NCAPD2: variants seen among roughly 807,000 people sequenced by gnomAD.
NCAPD2 encodes the protein non-SMC condensin I complex subunit D2, also known as condensin complex subunit 1.
NCAPD2 carries 100 observed loss-of-function variants against 164.5 expected under a neutral mutation model. The ratio of observed to expected loss-of-function variants is 0.61; its 90% confidence interval spans 0.52 to 0.72. The LOEUF (loss-of-function observed/expected upper bound fraction) is 0.72. NCAPD2 is among the 30% of genes least tolerant of loss of function. The pLI is 0.00. For synonymous variants in NCAPD2, 585 were observed against 642.6 expected (o/e 0.91, Z 1.36); for missense variants, 1,560 against 1,749.2 (o/e 0.89, Z 1.93).
chr12:6,495,297 A>G (rs1484647161), intron 2 of NCAPD2, 72 bp downstream of exon 2: 3 of 1,560,912 alleles, frequency 1.9e-6, no homozygotes, highest in Non-Finnish European at 2.6e-6. Flanking sequence ...CTACATTGTC[A>G]TTTCTGTTCC....
Position 6,517,926 on chromosome 12 carries a change from G to C in NCAPD2, c.1556G>C (p.Arg519Pro). 6.2e-7 allele frequency: 1 copy of C among 1,613,986 alleles called. No individual in the cohort carries two copies. The highest frequency in any genetic ancestry group is 2.2e-5 in the East Asian group (1 of 44,888). The change falls in exon 13 of 32, where the codon CGC (arginine) becomes CCC (proline). Residue 519 changes from arginine to proline, a missense_variant. Arg to Pro is a moderately radical substitution (Grantham distance 103). Coordinates refer to ENST00000315579, the MANE Select transcript of NCAPD2 (RefSeq NM_014865.4). The stretch of plus-strand genomic sequence containing the variant: ...GAGACAACTGAAGATGTGAAAGGAC[G>C]CATCTATCAACTGCTTGCCAAAGCT... ...NTETTEDVKGRIYQLLAKASY... is the reference protein window; with the variant it reads ...NTETTEDVKGPIYQLLAKASY...
intron 6 of NCAPD2, among the ~76,000 whole-genome samples, chr12:6,512,314 GACAGACAA>G (rs373955236): frequency 0.013 from 1,996 of 149,878 alleles, 44 homozygotes; most frequent in African/African-American, 0.047. Flanking sequence ...TAGATAGACA[GACAGACAA>G]ACAGACAGAC....
rs764238838 is a variant in NCAPD2, at chr12:6,514,866, C to T, written c.933C>T (p.Val311=). Residue 311 remains valine, a synonymous_variant, in exon 9 of 32, where the codon GTC becomes GTT. Transcript: ENST00000315579. The part of the protein sequence containing the change: ...AAFLTELAER[V]PAILMSSMCI... ...TCCTGACAGAACTAGCAGAACGTGT[C>T]CCAGCTATCCTGATGTCCAGCATGT... is the stretch of plus-strand genomic sequence containing the variant. The T allele has an allele frequency of 5.6e-6, 9 of 1,614,200 alleles. No individual in the cohort carries two copies. In the South Asian group the frequency reaches 9.9e-5, roughly 18 times the overall value.
rs1004345305 is a variant in NCAPD2 at position 6,518,519 on chromosome 12, T to G, written c.1589+560T>G. Among the ~76,000 whole-genome samples the G allele has an allele frequency of 1.9e-4, 22 of 116,100 alleles. No individual in the cohort carries two copies. In the East Asian group the frequency reaches 4.5e-3, roughly 24 times the overall value. 76.2% of individuals were successfully genotyped at this position (116,100 alleles called of 152,430 possible). On this transcript the variant is annotated intron_variant, in intron 13 of 31. Transcript: ENST00000315579. ...CCGTCAACAAGTTTTTTTTTTTTTT[T>G]TTTTTTTTTTTTTTTGAGATGGAGT...
rs550187743 is a variant in NCAPD2, at chr12:6,503,676, C to T, written c.128-6041C>T. On this transcript the variant is annotated intron_variant, in intron 2 of 31. Transcript: ENST00000315579. ...ATCCCAGCTACTCAGGAGGCTGAGG[C>T]GGGAGAATCACTTGAACCTGGGAGC... is the stretch of plus-strand genomic sequence containing the variant. Among the ~76,000 whole-genome samples, 25 of 152,080 alleles carry T rather than the reference C, an allele frequency of 1.6e-4. No homozygotes were observed. The East Asian group carries it at 3.1e-3, about 19-fold the overall frequency.
intron 2 of NCAPD2, among the ~76,000 whole-genome samples, chr12:6,504,998 G>A (rs1170381939): frequency 6.6e-6 from 1 of 152,120 alleles, no homozygotes; most frequent in African/African-American, 2.4e-5. Context: ...GTTATGTAAG[G>A]TTTATGATAC....
At chr12:6,525,562 C>T in intron 17 of NCAPD2, 21 bp from the exon 18 acceptor site, 1 of 1,586,400 alleles carries the variant, frequency 6.3e-7, no homozygotes, top group Non-Finnish European at 8.6e-7. Flanking sequence ...TTGGCTTGAG[C>T]CCTTTTTCTT....
At chr12:6,520,415 C>G (rs1424443195) in intron 13 of NCAPD2, among the ~76,000 whole-genome samples, 1 of 145,844 alleles carries the variant, frequency 6.9e-6, no homozygotes, top group Non-Finnish European at 1.5e-5. Flanking sequence ...CAGGCACACA[C>G]CATCACACCC....
At chr12:6,529,695 G>A (rs1946353436) in intron 28 of NCAPD2, 80 bp from the exon 29 acceptor site, 3 of 1,601,898 alleles carry the variant, frequency 1.9e-6, no homozygotes, top group Non-Finnish European at 2.6e-6. Flanking sequence ...GCATCCCTGG[G>A]ACTGGGGAGG....
chr12:6,519,035 G>A (rs970030692), intron 13 of NCAPD2, among the ~76,000 whole-genome samples: 7 of 151,564 alleles, frequency 4.6e-5, no homozygotes, highest in African/African-American at 1.7e-4. Context: ...ACAGGCGCCC[G>A]CCACCACGCC....
At chr12:6,518,504 G>GTTTTTTGTTTTTTTTT (rs1946226490) in intron 13 of NCAPD2, among the ~76,000 whole-genome samples, 4 of 44,774 alleles carry the variant, frequency 8.9e-5, no homozygotes, top group African/African-American at 4.1e-4. Context: ...CCGTCAACAA[G>GTTTTTTGTTTTTTTTT]TTTTTTTTTT....
rs1450283019 is a variant in NCAPD2, at chr12:6,503,723, A to AGGTTG, written c.128-5994_128-5993insGGTTG. 9.5e-4 allele frequency among the ~76,000 whole-genome samples: 144 copies of AGGTTG among 151,234 alleles called. 1 individual carries two copies. Among genetic ancestry groups the AGGTTG allele is most frequent in the African/African-American group, 3.3e-3 (136 of 41,152 alleles). ...GAGCCGGAGGTTGTAGTGAGCCGAGATCGTGCCACTGCACTTCAGCCTGGG... is the reference window on the plus strand; with the variant it reads ...GAGCCGGAGGTTGTAGTGAGCCGAGAGGTTGTCGTGCCACTGCACTTCAGCCTGGG... On this transcript the variant is annotated intron_variant, in intron 2 of 31. Coordinates refer to ENST00000315579, the MANE Select transcript of NCAPD2 (RefSeq NM_014865.4).
chr12:6,522,295 G>A (rs537042381), intron 15 of NCAPD2, among the ~76,000 whole-genome samples: 2 of 152,188 alleles, frequency 1.3e-5, no homozygotes, highest in East Asian at 1.9e-4. Context: ...TTAAAAGGCA[G>A]GGGTTCTCGG....
rs1565547499 is a variant in NCAPD2, at chr12:6,528,359, T to C, written c.3299+31T>C. The stretch of plus-strand genomic sequence containing the variant: ...AGACCCCTCACAACGTGGTGGCAGT[T>C]CCCAGGAGCCCCGGAGTCTGTTGAG... On this transcript the variant is annotated intron_variant, in intron 25 of 31. Transcript: ENST00000315579. This position sits in a 1 kb window ranked among gnomAD's most constrained non-coding sequence, Gnocchi z 5.1. The C allele has an allele frequency of 5.6e-6, 9 of 1,612,280 alleles. No homozygotes were observed. The highest frequency in any genetic ancestry group is 7.6e-6 in the Non-Finnish European group (9 of 1,179,668).
Position 6,510,117 on chromosome 12 carries a change from GC to G in NCAPD2, c.247del (p.Gln83AsnfsTer3). The G allele has an allele frequency of 6.2e-7, 1 of 1,612,028 alleles. No individual in the cohort carries two copies. The highest frequency in any genetic ancestry group is 8.5e-7 in the Non-Finnish European group (1 of 1,178,100). ...IDPGLKEDTL[Q>X]FLIKVVSRHS... ...ATCCTGGCCTCAAAGAAGATACTCT[GC>G]AATTCCTGATAAAAGGTGTTTATGG... On this transcript the variant is annotated frameshift_variant, in exon 4 of 32. Coordinates refer to ENST00000315579, the MANE Select transcript of NCAPD2 (RefSeq NM_014865.4). LOFTEE classifies it high-confidence loss of function.
At chr12:6,510,574 T>C in intron 4 of NCAPD2, 55 bp from the exon 5 acceptor site, 1 of 1,586,546 alleles carries the variant, frequency 6.3e-7, no homozygotes, top group East Asian at 2.2e-5. Context: ...TGTTTTGAAG[T>C]TGGGGTATAT....
chr12:6,522,845 G>A lies in NCAPD2; in HGVS notation c.1972G>A (p.Glu658Lys). ...NTTTVVQEVI[E>K]FFVMVFQFGV... ...TCTCTCAGTGGTGCAGGAGGTGATT[G>A]AATTCTTTGTGATGGTCTTCCAATT... The change falls in exon 16 of 32, where the codon GAA (glutamate) becomes AAA (lysine). Residue 658 changes from glutamate to lysine, a missense_variant. Physicochemically the swap from Glu to Lys is moderately conservative, Grantham distance 56. Transcript: ENST00000315579. 1 of 1,614,112 alleles carries A rather than the reference G, an allele frequency of 6.2e-7. No individual in the cohort carries two copies. The highest frequency in any genetic ancestry group is 8.5e-7 in the Non-Finnish European group (1 of 1,179,996).
intron 2 of NCAPD2, among the ~76,000 whole-genome samples, chr12:6,503,005 TG>T (rs1946052074): frequency 8.2e-6 from 1 of 121,576 alleles, no homozygotes; most frequent in Non-Finnish European, 1.7e-5. Context: ...CCACCACACC[TG>T]GCTTTTTTTT....
At chr12:6,511,786 G>A (rs186426859) in intron 6 of NCAPD2, among the ~76,000 whole-genome samples, 4 of 148,494 alleles carry the variant, frequency 2.7e-5, no homozygotes, top group East Asian at 4.1e-4. Flanking sequence ...GTTCAAGACC[G>A]GCCTGGCCAA....
Sources: gnomAD v4.1 joint callset for allele counts (sites outside exome capture counted in the v4.1 genomes callset) on GRCh38, gnomAD v4.1.1 for gene constraint, Gnocchi (gnomAD v3.1) non-coding constraint, MANE v1.5 for transcripts, NCBI Gene and HGNC (gene_info 2026-07-23, HGNC 2026-07-21) for gene names.